The following FAM178B variants were observed in gnomAD, a reference collection of about 807,000 sequenced individuals.
FAM178B encodes protein FAM178B.
A neutral mutation model predicts 91.7 loss-of-function variants in FAM178B; 82 were observed. The ratio of observed to expected loss-of-function variants is 0.89; its 90% CI spans 0.75 to 1.07. The LOEUF (loss-of-function observed/expected upper bound fraction) is 1.07, where lower values mean the gene tolerates loss of function less well. FAM178B is among the 50% of genes least tolerant of loss of function. The pLI, the probability that FAM178B is intolerant of heterozygous loss-of-function variation, is 0.00. For missense variants in FAM178B, 769 were observed against 846.7 expected, an observed-to-expected ratio of 0.91 and a Z score of 1.14; for synonymous variants, 368 against 359.4, an observed-to-expected ratio of 1.02 and a Z score of -0.27.
rs1300982755 is a variant in FAM178B at position 96,877,593 on chromosome 2, G to A, written c.2007+297C>T. On this transcript the variant is annotated intron_variant, in intron 16 of 16. Coordinates refer to ENST00000490605, the MANE Select transcript of FAM178B (RefSeq NM_001122646.3). ...AATTTTTTTAATCTTTGGTAGAGAC[G>A]GGTTTCACCATGTTGGCCAGGCTGG... is the stretch of plus-strand genomic sequence containing the variant. Among the ~76,000 whole-genome samples the A allele has an allele frequency of 6.6e-5, 10 of 152,144 alleles. No individual in the cohort carries two copies. In the East Asian group the frequency reaches 9.6e-4, roughly 15 times the overall value.
At chr2:96,942,157 G>C (rs567070617) in intron 8 of FAM178B, among the ~76,000 whole-genome samples, 1 of 152,316 alleles carries the variant, frequency 6.6e-6, no homozygotes, top group South Asian at 2.1e-4. Flanking sequence ...CCAAAGAAAT[G>C]TAAGACATGT....
At chr2:96,924,646 C>A (rs148538213) in intron 9 of FAM178B, among the ~76,000 whole-genome samples, 7 of 152,320 alleles carry the variant, frequency 4.6e-5, no homozygotes, top group Non-Finnish European at 8.8e-5. Context: ...GGCGGGATCA[C>A]CTTCATCGTA....
chr2:96,948,657 G>A (rs1434069182), intron 7 of FAM178B, among the ~76,000 whole-genome samples: 2 of 152,216 alleles, frequency 1.3e-5, no homozygotes, highest in African/African-American at 2.4e-5. Flanking sequence ...TTTGCCTTGT[G>A]GGCACTGTGG....
At chr2:96,894,394 A>C (rs1574203857) in intron 13 of FAM178B, among the ~76,000 whole-genome samples, 1 of 93,614 alleles carries the variant, frequency 1.1e-5, no homozygotes, top group Admixed American at 1.1e-4. Context: ...ACCCACACAT[A>C]CCCAGGCCTC....
At chr2:96,975,094 CAAAAAAAAAAA>C (rs34807786) in intron 1 of FAM178B, among the ~76,000 whole-genome samples, 11 of 56,278 alleles carry the variant, frequency 2.0e-4, no homozygotes, top group African/African-American at 1.0e-3. Context: ...GACTCTGTCT[CAAAAAAAAAAA>C]AAAAAAAAAA....
At position 96,981,759 on chromosome 2, in the gene FAM178B, AAAAG is replaced by A. The variant is rs1553511904; in HGVS notation, c.73+4478_73+4481del. Among the ~76,000 whole-genome samples, 61 of 149,330 alleles carry A rather than the reference AAAAG, an allele frequency of 4.1e-4. 1 individual carries two copies. The highest frequency in any genetic ancestry group is 4.9e-4 in the Non-Finnish European group (33 of 67,454). ...CCGTCTCAAAAAAAAAAAAAAAAAA[AAAAG>A]AAAGAAAGAAACTGTCCTCTAGGCT... is the stretch of plus-strand genomic sequence containing the variant. On this transcript the variant is annotated intron_variant, in intron 1 of 16. Transcript: ENST00000490605.
intron 9 of FAM178B, among the ~76,000 whole-genome samples, chr2:96,928,021 G>A (rs1260348533): frequency 6.6e-6 from 1 of 152,252 alleles, no homozygotes; most frequent in Non-Finnish European, 1.5e-5. Context: ...GCAGGAGCAC[G>A]GCAGGCTGGC....
rs544777331 is a variant in FAM178B at position 96,930,103 on chromosome 2, A to C, written c.1079-783T>G. Among the ~76,000 whole-genome samples, 8 of 150,320 alleles carry C rather than the reference A, an allele frequency of 5.3e-5. No individual in the cohort carries two copies. The Admixed American group carries it at 5.4e-4, about 10-fold the overall frequency. ...CATGGCGGCATGAGCCTGTAGTCCC[A>C]GGATAATTGCTTGAACTTGGGAGGT... On this transcript the variant is annotated intron_variant, in intron 8 of 16. Transcript: ENST00000490605.
intron 4 of FAM178B, among the ~76,000 whole-genome samples, chr2:96,968,739 C>T (rs1025106436): frequency 5.9e-5 from 9 of 152,172 alleles, no homozygotes; most frequent in Non-Finnish European, 1.2e-4. Context: ...CTGCTCTTGC[C>T]CTTCCCATCC....
chr2:96,949,231 T>A (rs920806041), intron 7 of FAM178B, among the ~76,000 whole-genome samples: 2 of 152,206 alleles, frequency 1.3e-5, no homozygotes, highest in Admixed American at 6.5e-5. Flanking sequence ...GGCTGTCCTT[T>A]CCAAGAACAT....
At chr2:96,909,704 G>C (rs562342450) in intron 12 of FAM178B, among the ~76,000 whole-genome samples, 1 of 152,174 alleles carries the variant, frequency 6.6e-6, no homozygotes, top group Admixed American at 6.5e-5. Flanking sequence ...CCATTTCCCA[G>C]ATCCTGTTCT....
chr2:96,892,160 TCACCTGCCC>T (rs1403177734), intron 14 of FAM178B, among the ~76,000 whole-genome samples: 2 of 152,126 alleles, frequency 1.3e-5, no homozygotes, highest in African/African-American at 4.8e-5. Flanking sequence ...TGGAGCCCAG[TCACCTGCCC>T]CACCTGGCCC....
At chr2:96,878,208 G>A (rs888870428) in intron 15 of FAM178B, among the ~76,000 whole-genome samples, 166 bp from the exon 16 acceptor site, 6 of 152,232 alleles carry the variant, frequency 3.9e-5, no homozygotes, top group East Asian at 1.9e-4. Flanking sequence ...GTTGGGGCTC[G>A]GGTCAGTGTC....
intron 6 of FAM178B, among the ~76,000 whole-genome samples, chr2:96,957,582 T>G (rs777024255): frequency 6.6e-6 from 1 of 152,150 alleles, no homozygotes; most frequent in Non-Finnish European, 1.5e-5. Flanking sequence ...CCATGGGCCA[T>G]CTCATCTGTC....
chr2:96,910,602 C>T (rs1003116292), intron 12 of FAM178B, among the ~76,000 whole-genome samples: 4 of 151,964 alleles, frequency 2.6e-5, no homozygotes, highest in African/African-American at 4.8e-5. Context: ...ACAACACTCC[C>T]GCTGGTCCAC....
Position 96,986,528 on chromosome 2 carries a change from G to A in FAM178B, c.-215C>T. ...ATTGAGTTCCGACTCCAAACCAAGCGGCCAGCTCACAGCCGCCGCCGCCGC... is the reference window on the plus strand; with the variant it reads ...ATTGAGTTCCGACTCCAAACCAAGCAGCCAGCTCACAGCCGCCGCCGCCGC... On this transcript the variant is annotated 5_prime_UTR_variant, in exon 1 of 17. Coordinates refer to ENST00000490605, the MANE Select transcript of FAM178B (RefSeq NM_001122646.3). The A allele has an allele frequency of 1.7e-6, 1 of 591,220 alleles. No individual in the cohort carries two copies. Among genetic ancestry groups the A allele is most frequent in the Non-Finnish European group, 2.8e-6 (1 of 351,412 alleles). 36.6% of individuals were successfully genotyped at this position (591,220 alleles called of 1,614,324 possible).
intron 1 of FAM178B, among the ~76,000 whole-genome samples, chr2:96,975,777 A>G (rs932965006): frequency 6.6e-6 from 1 of 152,224 alleles, no homozygotes; most frequent in African/African-American, 2.4e-5. Flanking sequence ...TAAATGTACC[A>G]TAGTTCCCCC....
At chr2:96,878,174 A>G (rs1054677046) in intron 15 of FAM178B, 132 bp from the exon 16 acceptor site, 4 of 1,041,470 alleles carry the variant, frequency 3.8e-6, no homozygotes, top group Admixed American at 2.0e-5. Flanking sequence ...TGAGGAGGAA[A>G]AGGAGGATGG....
At chr2:96,986,059 C>A (rs776641260) in intron 1 of FAM178B, among the ~76,000 whole-genome samples, 182 bp downstream of exon 1, 2 of 152,202 alleles carry the variant, frequency 1.3e-5, no homozygotes, top group South Asian at 2.1e-4. Context: ...AGAGGAGGGC[C>A]CGGCTCACGT....
Sources: allele counts gnomAD v4.1 joint callset (sites outside exome capture counted in the v4.1 genomes callset), GRCh38; gene constraint gnomAD v4.1.1; transcripts MANE v1.5; gene names NCBI Gene and HGNC (gene_info 2026-07-23, HGNC 2026-07-21).